B3GAT2: variants seen among roughly 807,000 people sequenced by gnomAD.
B3GAT2 encodes beta-1,3-glucuronyltransferase 2, also known as galactosylgalactosylxylosylprotein 3-beta-glucuronosyltransferase 2.
B3GAT2 carries 26 observed loss-of-function variants against 27.8 expected under a neutral mutation model. That is an observed-to-expected ratio of 0.93 (90% confidence interval 0.68 to 1.30). The LOEUF (loss-of-function observed/expected upper bound fraction) is 1.30, where lower values mean the gene tolerates loss of function less well. B3GAT2 is among the 50% of genes most tolerant of loss of function. The pLI, the probability that B3GAT2 is intolerant of heterozygous loss-of-function variation, is 0.00. For synonymous variants in B3GAT2, 218 were observed against 195.1 expected (o/e 1.12, Z -0.98); for missense variants, 458 against 459.0 (o/e 1.00, Z 0.02).
chr6:70,943,869 G>T (rs1175591628), intron 1 of B3GAT2, among the ~76,000 whole-genome samples: 1 of 152,102 alleles, frequency 6.6e-6, no homozygotes, highest in African/African-American at 2.4e-5. Context: ...AATACATTTA[G>T]AAGATCAACT....
At chr6:70,876,499 C>T (rs1716303651) in intron 2 of B3GAT2, among the ~76,000 whole-genome samples, 1 of 152,172 alleles carries the variant, frequency 6.6e-6, no homozygotes, top group Admixed American at 6.5e-5. Flanking sequence ...TTTCACTGTT[C>T]TGTGCCTTGG....
intron 1 of B3GAT2, among the ~76,000 whole-genome samples, chr6:70,900,279 A>C (rs1772475337): frequency 6.6e-6 from 1 of 152,232 alleles, no homozygotes; most frequent in Admixed American, 6.5e-5. Context: ...ACACTCCTCC[A>C]GGCTGAATGC....
intron 2 of B3GAT2, among the ~76,000 whole-genome samples, chr6:70,884,112 A>C (rs1265152945): frequency 1.4e-5 from 2 of 142,606 alleles, no homozygotes; most frequent in Non-Finnish European, 3.1e-5. Flanking sequence ...AAAAAAAAAA[A>C]ACAAAAAAAA....
At chr6:70,906,196 A>G (rs778850802) in intron 1 of B3GAT2, among the ~76,000 whole-genome samples, 12 of 152,204 alleles carry the variant, frequency 7.9e-5, no homozygotes, top group Non-Finnish European at 1.2e-4. Context: ...AATGGGGGAA[A>G]AGAAGTCTCT....
At chr6:70,924,928 A>AATATCCTATTTTACTCCTATATTACTCC (rs1772928303) in intron 1 of B3GAT2, among the ~76,000 whole-genome samples, 1 of 152,230 alleles carries the variant, frequency 6.6e-6, no homozygotes, top group Non-Finnish European at 1.5e-5. Flanking sequence ...TTACTCCTGC[A>AATATCCTATTTTACTCCTATATTACTCC]GGTAATATCA....
intron 1 of B3GAT2, among the ~76,000 whole-genome samples, chr6:70,907,799 C>T (rs1406804601): frequency 6.6e-6 from 1 of 152,314 alleles, no homozygotes; most frequent in South Asian, 2.1e-4. Context: ...CAACCCCTGG[C>T]AAACTTTGTG....
chr6:70,892,273 G>A (rs1772302621), intron 2 of B3GAT2, among the ~76,000 whole-genome samples: 1 of 152,174 alleles, frequency 6.6e-6, no homozygotes, highest in African/African-American at 2.4e-5. Context: ...CAGCCCTAAT[G>A]CACAAACACA....
At chr6:70,945,357 C>G (rs1765463021) in intron 1 of B3GAT2, among the ~76,000 whole-genome samples, 1 of 152,032 alleles carries the variant, frequency 6.6e-6, no homozygotes, top group Non-Finnish European at 1.5e-5. Context: ...ACTAGAATAA[C>G]CAATACAGAG....
At position 70,858,120 on chromosome 6, in the gene B3GAT2, T is replaced by C; in HGVS notation, c.*3543A>G. 1 of 1,613,964 alleles carries C rather than the reference T, an allele frequency of 6.2e-7. No homozygotes were observed. The highest frequency in any genetic ancestry group is 8.5e-7 in the Non-Finnish European group (1 of 1,179,966). On this transcript the variant is annotated 3_prime_UTR_variant, in exon 4 of 4. Transcript: ENST00000230053. ...AATGCACAAACTGGTGTGATGCCAC[T>C]TCCTCAGAACGTTGTTGGCCCCCAA... is the stretch of plus-strand genomic sequence containing the variant.
chr6:70,933,153 A>G lies in B3GAT2; in HGVS notation c.591+22686T>C, dbSNP rs113702093. ...ACAAGAGCCAATCAAATGAACATCT[A>G]TATATTTTAAACTATAGGACAATCA... On this transcript the variant is annotated intron_variant, in intron 1 of 3. Transcript: ENST00000230053. Among the ~76,000 whole-genome samples, 1,418 of 152,300 alleles carry G rather than the reference A, an allele frequency of 9.3e-3. 11 individuals are homozygous for G. Among genetic ancestry groups the G allele is most frequent in the Middle Eastern group, 0.048 (14 of 294 alleles).
rs1772339629 is a variant in B3GAT2, at chr6:70,894,203, G to GCGGA, written c.657_660dup (p.Leu221SerfsTer44). The GCGGA allele has an allele frequency of 6.2e-7, 1 of 1,613,922 alleles. No homozygotes were observed. ...CCAACAACTTTGCCGTTTTCCACCAGCGGACGTTCGTAGCGCCGCCCACCA... is the reference window on the plus strand; with the variant it reads ...CCAACAACTTTGCCGTTTTCCACCAGCGGACGGACGTTCGTAGCGCCGCCCACCA... On this transcript the variant is annotated frameshift_variant, in exon 2 of 4. Transcript: ENST00000230053. LOFTEE classifies it high-confidence loss of function.
chr6:70,864,818 T>C (rs575011878), intron 2 of B3GAT2, among the ~76,000 whole-genome samples: 2 of 152,362 alleles, frequency 1.3e-5, no homozygotes, highest in African/African-American at 2.4e-5. Context: ...CAAGTATTTA[T>C]ACTTCAAGTA....
intron 1 of B3GAT2, among the ~76,000 whole-genome samples, chr6:70,921,015 C>G (rs187960130): frequency 1.1e-3 from 173 of 152,320 alleles, no homozygotes; most frequent in African/African-American, 3.8e-3. Flanking sequence ...ATCGGAATCC[C>G]TTTGTAGGTG....
intron 1 of B3GAT2, among the ~76,000 whole-genome samples, chr6:70,929,584 C>T (rs12193917): frequency 0.14 from 22,020 of 152,098 alleles, 1,908 homozygotes; most frequent in East Asian, 0.34. Context: ...TGAGTGAACT[C>T]CCATTCACAA....
intron 1 of B3GAT2, among the ~76,000 whole-genome samples, chr6:70,917,701 G>A (rs1018724769): frequency 1.3e-5 from 2 of 152,174 alleles, no homozygotes; most frequent in African/African-American, 4.8e-5. Flanking sequence ...ATGCAGTTGT[G>A]CAGTTTTGAG....
At chr6:70,941,679 A>G (rs937862857) in intron 1 of B3GAT2, among the ~76,000 whole-genome samples, 4 of 152,212 alleles carry the variant, frequency 2.6e-5, no homozygotes, top group Admixed American at 6.5e-5. Flanking sequence ...AATCTTAGAC[A>G]TACAACACAG....
rs1771697408 is a variant in B3GAT2, at chr6:70,860,982, C to T, written c.*681G>A. 6.1e-6 allele frequency: 2 copies of T among 328,276 alleles called. No individual in the cohort carries two copies. Among genetic ancestry groups the T allele is most frequent in the Non-Finnish European group, 1.1e-5 (2 of 181,326 alleles). 20.3% of individuals were successfully genotyped at this position (328,276 alleles called of 1,614,324 possible). ...GTAATTTGGATCTCTTCTTAATGTACATAGTGCTAACATGAAGACCTTTTT... is the reference window on the plus strand; with the variant it reads ...GTAATTTGGATCTCTTCTTAATGTATATAGTGCTAACATGAAGACCTTTTT... On this transcript the variant is annotated 3_prime_UTR_variant, in exon 4 of 4. Transcript: ENST00000230053.
intron 1 of B3GAT2, among the ~76,000 whole-genome samples, chr6:70,937,234 AG>A (rs1266607912): frequency 2.0e-5 from 3 of 151,964 alleles, no homozygotes; most frequent in Admixed American, 1.3e-4. Flanking sequence ...GACCAATAAC[AG>A]GCTCTGAAAT....
intron 1 of B3GAT2, among the ~76,000 whole-genome samples, chr6:70,938,763 A>C (rs1765338606): frequency 6.7e-6 from 1 of 148,410 alleles, no homozygotes; most frequent in South Asian, 2.1e-4. Flanking sequence ...TCAAGATGGA[A>C]ACTTAAACGT....
Sources: allele counts gnomAD v4.1 joint callset (sites outside exome capture counted in the v4.1 genomes callset), GRCh38; gene constraint gnomAD v4.1.1; transcripts MANE v1.5; gene names NCBI Gene and HGNC (gene_info 2026-07-23, HGNC 2026-07-21).